The following NRG1 variants were observed in gnomAD, a reference collection of about 807,000 sequenced individuals.
NRG1 encodes the protein neuregulin 1.
Under a neutral mutation model 63.8 loss-of-function variants are expected in NRG1, and 18 were observed. The ratio of observed to expected loss-of-function variants is 0.28; its 90% CI spans 0.19 to 0.42. The LOEUF (loss-of-function observed/expected upper bound fraction) is 0.42, where lower values mean the gene tolerates loss of function less well. Among genes scored for constraint, NRG1 ranks in the 10% least tolerant of loss-of-function variants. The probability of loss-of-function intolerance (pLI) is 1.00; values close to 1 mark genes in which losing one functional copy is unlikely to be tolerated. For missense variants in NRG1, 762 were observed against 814.7 expected, an observed-to-expected ratio of 0.94 and a Z score of 0.79; for synonymous variants, 302 against 301.3, an observed-to-expected ratio of 1.00 and a Z score of -0.02.
At chr8:31,885,781 T>C (rs1830673509) in intron 1 of NRG1, among the ~76,000 whole-genome samples, 2 of 152,122 alleles carry the variant, frequency 1.3e-5, no homozygotes, top group African/African-American at 2.4e-5. Context: ...GAGTTGTGTT[T>C]GCAGTGTATT....
At chr8:32,133,069 T>C (rs529210414) in intron 1 of NRG1, among the ~76,000 whole-genome samples, 3 of 152,154 alleles carry the variant, frequency 2.0e-5, no homozygotes, top group African/African-American at 7.2e-5. Flanking sequence ...GGAAGTTTCA[T>C]TGATGGTGTG....
At position 31,640,721 on chromosome 8, in the gene NRG1, A is replaced by G. The variant is rs756478983; in HGVS notation, c.37+1290A>G. On this transcript the variant is annotated intron_variant, in intron 1 of 10. Transcript: ENST00000519301. This position sits in a 1 kb window ranked among gnomAD's most constrained non-coding sequence, Gnocchi z 6.3. ...AAGGAGGTCAGCCGGGTGCTGTGCA[A>G]GCGGTGCGGTAAGTTCCTCGCCCTT... 201 of 1,588,352 alleles carry G rather than the reference A, an allele frequency of 1.3e-4. No homozygotes were observed. Among genetic ancestry groups the G allele is most frequent in the Non-Finnish European group, 1.7e-4 (194 of 1,167,574 alleles).
intron 1 of NRG1, among the ~76,000 whole-genome samples, chr8:31,901,299 G>C (rs1440489038): frequency 6.6e-6 from 1 of 152,162 alleles, no homozygotes; most frequent in African/African-American, 2.4e-5. Context: ...CATGTAACAT[G>C]TAAGCCTGTT....
chr8:31,911,448 G>A (rs1263471427), intron 1 of NRG1, among the ~76,000 whole-genome samples: 2 of 152,160 alleles, frequency 1.3e-5, no homozygotes, highest in East Asian at 1.9e-4. Flanking sequence ...CATGGATGGA[G>A]CTGGAGGCCA....
rs542523908 is a variant in NRG1, at chr8:31,955,093, T to C, written c.37+315662T>C. 2.6e-5 allele frequency among the ~76,000 whole-genome samples: 4 copies of C among 152,082 alleles called. No homozygotes were observed. In the East Asian group the frequency reaches 7.7e-4, roughly 29 times the overall value. ...AAATTATTTAGTTGATACTATTAGG[T>C]TGGTGTAAAAATAGTTGTGCTTTTT... On this transcript the variant is annotated intron_variant, in intron 1 of 10. Transcript: ENST00000519301.
intron 1 of NRG1, among the ~76,000 whole-genome samples, chr8:32,137,056 G>C (rs1340273915): frequency 6.6e-6 from 1 of 152,088 alleles, no homozygotes; most frequent in East Asian, 1.9e-4. Context: ...AATAAACATG[G>C]GGGTTTTTTT....
intron 1 of NRG1, among the ~76,000 whole-genome samples, chr8:32,351,803 A>G (rs1805643756): frequency 6.6e-6 from 1 of 152,170 alleles, no homozygotes. Context: ...ATTTTTTACC[A>G]CAGTGAACTT....
chr8:32,027,414 C>CTCCTTCCTTCCT lies in NRG1; in HGVS notation c.37+388027_37+388038dup, dbSNP rs774505431. Among the ~76,000 whole-genome samples the CTCCTTCCTTCCT allele has an allele frequency of 7.3e-4, 83 of 114,134 alleles. 1 individual carries two copies. Among genetic ancestry groups the CTCCTTCCTTCCT allele is most frequent in the African/African-American group, 3.3e-3 (77 of 23,558 alleles). 74.9% of individuals were successfully genotyped at this position (114,134 alleles called of 152,430 possible). A position where few individuals can be genotyped will look rare whatever the true frequency, so the allele number is the denominator to read the frequency against. On this transcript the variant is annotated intron_variant, in intron 1 of 10. Coordinates refer to the NRG1 transcript ENST00000519301. ...GTTTTTTATAAATTTCCTTCCTTCC[C>CTCCTTCCTTCCT]TCCTTCCTTCCTTCCTTCCTTCCTT...
intron 1 of NRG1, among the ~76,000 whole-genome samples, chr8:32,255,902 T>C (rs1843788): frequency 0.12 from 17,878 of 152,160 alleles, 1,153 homozygotes; most frequent in East Asian, 0.28. Flanking sequence ...GGGCTTTGTT[T>C]GTTCCTTTTC....
At chr8:31,959,674 T>C (rs2129625491) in intron 1 of NRG1, among the ~76,000 whole-genome samples, 1 of 152,282 alleles carries the variant, frequency 6.6e-6, no homozygotes, top group South Asian at 2.1e-4. Context: ...TTTTGAAATA[T>C]TAAGCATAGC....
Position 31,640,629 on chromosome 8 carries a change from C to A in NRG1, c.37+1198C>A, listed in dbSNP as rs750334304. ...TCTTCATGGAGCCCGACGCCAACAG[C>A]ACCAGCCGCGCGCCGGCCGCCTTCC... On this transcript the variant is annotated intron_variant, in intron 1 of 10. Coordinates refer to the NRG1 transcript ENST00000519301. The surrounding 1 kb of genome is among the most constrained non-coding windows in gnomAD (Gnocchi z 6.3). 6.2e-7 allele frequency: 1 copy of A among 1,610,422 alleles called. No homozygotes were observed. Among genetic ancestry groups the A allele is most frequent in the Non-Finnish European group, 8.5e-7 (1 of 1,179,070 alleles).
chr8:31,975,420 A>G (rs1230858372), intron 1 of NRG1, among the ~76,000 whole-genome samples: 1 of 152,104 alleles, frequency 6.6e-6, no homozygotes, highest in African/African-American at 2.4e-5. Flanking sequence ...TTTAAAGGAG[A>G]GCCAGATTTT....
rs76694366 is a variant in NRG1, at chr8:31,694,188, G to T, written c.37+54757G>T. On this transcript the variant is annotated intron_variant, in intron 1 of 10. Transcript: ENST00000519301. ...TGGGAAGGTGAGATGTAGTGACACA[G>T]ATATTCTGTGTACCATAGTGATACC... Among the ~76,000 whole-genome samples, 1,395 of 152,220 alleles carry T rather than the reference G, an allele frequency of 9.2e-3. 20 individuals are homozygous for T. Among genetic ancestry groups the T allele is most frequent in the African/African-American group, 0.032 (1,328 of 41,528 alleles).
chr8:32,446,669 A>AG (rs11458885), intron 1 of NRG1, among the ~76,000 whole-genome samples: 1 of 151,676 alleles, frequency 6.6e-6, no homozygotes, highest in Non-Finnish European at 1.5e-5. Flanking sequence ...ACAAAAAAAA[A>AG]AGGAAGATTG....
intron 1 of NRG1, among the ~76,000 whole-genome samples, chr8:32,056,246 G>A (rs1162089929): frequency 6.6e-6 from 1 of 152,100 alleles, no homozygotes; most frequent in Non-Finnish European, 1.5e-5. Context: ...TAAAACAATG[G>A]GAAGGAGTTG....
chr8:32,411,832 A>G (rs1814998831), intron 1 of NRG1, among the ~76,000 whole-genome samples: 1 of 152,228 alleles, frequency 6.6e-6, no homozygotes, highest in Non-Finnish European at 1.5e-5. Flanking sequence ...TCTTTGATCT[A>G]GCCATCTTAT....
rs180820225 is a variant in NRG1 at position 32,157,714 on chromosome 8, A to G, written c.38-438114A>G. On this transcript the variant is annotated intron_variant, in intron 1 of 10. Coordinates refer to the NRG1 transcript ENST00000519301. ...AATATATAAATATTTTTATATACAT[A>G]TCTATATATAGAGAGAATAAATATG... Among the ~76,000 whole-genome samples, 13 of 150,100 alleles carry G rather than the reference A, an allele frequency of 8.7e-5. No individual in the cohort carries two copies. In the East Asian group the frequency reaches 2.5e-3, roughly 29 times the overall value.
At chr8:32,747,628 A>G (rs1827694581) in intron 7 of NRG1, among the ~76,000 whole-genome samples, 1 of 151,644 alleles carries the variant, frequency 6.6e-6, no homozygotes, top group African/African-American at 2.4e-5. Flanking sequence ...GCTTGTGTAC[A>G]CTGGACCCAA....
At chr8:31,702,770 T>A (rs981177066) in intron 1 of NRG1, among the ~76,000 whole-genome samples, 2 of 152,160 alleles carry the variant, frequency 1.3e-5, no homozygotes, top group African/African-American at 2.4e-5. Flanking sequence ...AATTTATTTT[T>A]AAAAATCTTA....
Sources: allele counts gnomAD v4.1 joint callset (sites outside exome capture counted in the v4.1 genomes callset), GRCh38; gene constraint gnomAD v4.1.1; non-coding constraint Gnocchi (gnomAD v3.1); transcripts MANE v1.5; gene names NCBI Gene and HGNC (gene_info 2026-07-23, HGNC 2026-07-21).